YAP1: variants seen among roughly 807,000 people sequenced by gnomAD.
The protein encoded by YAP1 is transcriptional coactivator YAP1.
YAP1 carries 5 observed loss-of-function variants against 56.9 expected under a neutral mutation model. That is an observed-to-expected ratio of 0.09 (90% CI 0.05 to 0.18). The LOEUF (loss-of-function observed/expected upper bound fraction) is 0.18, where lower values mean the gene tolerates loss of function less well. Ranked by LOEUF, YAP1 falls within the 10% of genes least tolerant of loss-of-function variation. The probability of loss-of-function intolerance (pLI) is 1.00; values close to 1 mark genes in which losing one functional copy is unlikely to be tolerated. For missense variants in YAP1, 539 were observed against 651.8 expected (o/e 0.83, Z 1.88); for synonymous variants, 265 against 248.1 (o/e 1.07, Z -0.64).
At chr11:102,203,248 A>G (rs533043842) in intron 4 of YAP1, among the ~76,000 whole-genome samples, 69 of 152,352 alleles carry the variant, frequency 4.5e-4, no homozygotes, top group African/African-American at 1.6e-3. Flanking sequence ...TCCAGAAACC[A>G]CAGAACCATG....
chr11:102,160,064 C>T (rs949647777), intron 2 of YAP1, among the ~76,000 whole-genome samples: 1 of 119,070 alleles, frequency 8.4e-6, no homozygotes, highest in Non-Finnish European at 1.6e-5. Flanking sequence ...GTTCTTGTTG[C>T]CCAGGCTGGA....
chr11:102,164,271 G>A (rs970908513), intron 3 of YAP1, among the ~76,000 whole-genome samples: 3 of 152,100 alleles, frequency 2.0e-5, no homozygotes, highest in African/African-American at 7.2e-5. Context: ...CTGACCTTGT[G>A]ATCTGCCCAC....
At chr11:102,211,702 C>CTTT (rs1277519376) in intron 6 of YAP1, among the ~76,000 whole-genome samples, 2 of 151,686 alleles carry the variant, frequency 1.3e-5, no homozygotes, top group Non-Finnish European at 2.9e-5. Flanking sequence ...AGAGTCATGT[C>CTTT]TTTTCTTCTT....
intron 2 of YAP1, among the ~76,000 whole-genome samples, chr11:102,125,209 A>G (rs1469531161): frequency 6.6e-6 from 1 of 151,554 alleles, no homozygotes; most frequent in Admixed American, 6.6e-5. Context: ...TTTTGTAGAG[A>G]CAGGGTTTTA....
chr11:102,141,766 C>T (rs1257946662), intron 2 of YAP1, among the ~76,000 whole-genome samples: 1 of 152,200 alleles, frequency 6.6e-6, no homozygotes, highest in Non-Finnish European at 1.5e-5. Context: ...TGCTTATTCT[C>T]CTCCACTAGA....
At chr11:102,132,989 C>A (rs1944457286) in intron 2 of YAP1, among the ~76,000 whole-genome samples, 1 of 151,992 alleles carries the variant, frequency 6.6e-6, no homozygotes, top group Non-Finnish European at 1.5e-5. Flanking sequence ...GAAACCCCGT[C>A]TCTACTAAAA....
In YAP1 at chr11:102,118,750, C is replaced by CAA. The variant is rs11384976; in HGVS notation, c.572+4367_572+4368dup. Among the ~76,000 whole-genome samples the CAA allele has an allele frequency of 9.9e-3, 1,364 of 137,868 alleles. 11 individuals carry two copies. Among genetic ancestry groups the CAA allele is most frequent in the African/African-American group, 0.021 (776 of 37,164 alleles). The allele number at this position is 137,868 out of a possible 152,430, so 90.4% of individuals were successfully genotyped here. Reference sequence around the variant, plus strand: ...TGGGCGACAGAGCCAGACTCTATCTCAAAAAAAAAAAAGACTATGAACATA... The same window carrying CAA: ...TGGGCGACAGAGCCAGACTCTATCTCAAAAAAAAAAAAAAGACTATGAACATA... On this transcript the variant is annotated intron_variant, in intron 2 of 8. Coordinates refer to ENST00000282441, the MANE Select transcript of YAP1 (RefSeq NM_001130145.3).
At chr11:102,223,551 T>C in intron 6 of YAP1, 71 bp from the exon 7 acceptor site, 1 of 1,532,586 alleles carries the variant, frequency 6.5e-7, no homozygotes, top group South Asian at 1.2e-5. Context: ...GATGAACGTT[T>C]TATTTCTTTA....
intron 4 of YAP1, among the ~76,000 whole-genome samples, chr11:102,189,321 A>T (rs1948154224): frequency 1.3e-5 from 2 of 152,176 alleles, no homozygotes; most frequent in South Asian, 4.1e-4. Context: ...AACACAATGA[A>T]ATTATAATTG....
intron 3 of YAP1, among the ~76,000 whole-genome samples, chr11:102,182,972 A>C (rs1947715718): frequency 6.6e-6 from 1 of 152,246 alleles, no homozygotes; most frequent in African/African-American, 2.4e-5. Flanking sequence ...TTAAAAGGCA[A>C]GACATTGATT....
chr11:102,209,299 C>G (rs150595094), intron 5 of YAP1, among the ~76,000 whole-genome samples: 1 of 152,222 alleles, frequency 6.6e-6, no homozygotes, highest in East Asian at 1.9e-4. Context: ...CTCCTAAAGT[C>G]TTGCTGTCCT....
intron 2 of YAP1, among the ~76,000 whole-genome samples, chr11:102,150,805 T>TTTTTTTG (rs1591241468): frequency 6.9e-6 from 1 of 144,956 alleles, no homozygotes; most frequent in Admixed American, 6.9e-5. Flanking sequence ...ACAAATGGTT[T>TTTTTTTG]TTTTTTTTTT....
chr11:102,166,063 G>A (rs577401515), intron 3 of YAP1, among the ~76,000 whole-genome samples: 1 of 152,266 alleles, frequency 6.6e-6, no homozygotes, highest in South Asian at 2.1e-4. Flanking sequence ...GAAGAGACTA[G>A]CTGATGGGTC....
intron 3 of YAP1, among the ~76,000 whole-genome samples, chr11:102,177,476 C>G (rs1947325587): frequency 6.6e-6 from 1 of 152,006 alleles, no homozygotes; most frequent in Admixed American, 6.5e-5. Context: ...GTCAAAAGAT[C>G]GAGACCAGCC....
At chr11:102,120,808 A>G (rs1021233995) in intron 2 of YAP1, among the ~76,000 whole-genome samples, 2 of 152,240 alleles carry the variant, frequency 1.3e-5, no homozygotes, top group Admixed American at 6.5e-5. Flanking sequence ...GTGCTTGTTA[A>G]AGTGTTACTG....
At chr11:102,198,997 GGAGA>G (rs757143769) in intron 4 of YAP1, among the ~76,000 whole-genome samples, 2 of 152,172 alleles carry the variant, frequency 1.3e-5, no homozygotes, top group Non-Finnish European at 2.9e-5. Flanking sequence ...ATAGGAGGAG[GGAGA>G]GAGAGAATGT....
chr11:102,226,540 A>T (rs1278432845), intron 7 of YAP1, among the ~76,000 whole-genome samples: 1 of 152,228 alleles, frequency 6.6e-6, no homozygotes, highest in Admixed American at 6.5e-5. Flanking sequence ...CCTTGATTTT[A>T]TGCGTTTCTC....
intron 2 of YAP1, among the ~76,000 whole-genome samples, chr11:102,135,656 A>G (rs575567231): frequency 2.0e-4 from 30 of 152,356 alleles, no homozygotes; most frequent in African/African-American, 7.0e-4. Flanking sequence ...ATCCCATTGT[A>G]TTGGTCAGGC....
chr11:102,112,945 GA>G (rs761151162), intron 1 of YAP1, among the ~76,000 whole-genome samples: 36 of 152,094 alleles, frequency 2.4e-4, no homozygotes, highest in Non-Finnish European at 2.9e-5. Context: ...ATTTTTACAA[GA>G]ATTTATATCC....
Sources: gnomAD v4.1 joint callset for allele counts (sites outside exome capture counted in the v4.1 genomes callset) on GRCh38, gnomAD v4.1.1 for gene constraint, MANE v1.5 for transcripts, NCBI Gene and HGNC (gene_info 2026-07-23, HGNC 2026-07-21) for gene names.